ASAP1: variants seen among roughly 807,000 people sequenced by gnomAD.
The protein encoded by ASAP1 is arf-GAP with SH3 domain, ANK repeat and PH domain-containing protein 1.
Under a neutral mutation model 145.2 loss-of-function variants are expected in ASAP1, and 43 were observed. The ratio of observed to expected loss-of-function variants is 0.30; its 90% confidence interval spans 0.23 to 0.38. The LOEUF (loss-of-function observed/expected upper bound fraction) is 0.38. Among genes scored for constraint, ASAP1 ranks in the 10% least tolerant of loss-of-function variants. The pLI is 1.00. For synonymous variants in ASAP1, 546 were observed against 515.5 expected (o/e 1.06, Z -0.80); for missense variants, 1,018 against 1,355.3 (o/e 0.75, Z 3.91).
At chr8:130,141,627 A>C (rs1180869094) in intron 13 of ASAP1, among the ~76,000 whole-genome samples, 1 of 152,166 alleles carries the variant, frequency 6.6e-6, no homozygotes, top group African/African-American at 2.4e-5. Context: ...GGCTCATGGC[A>C]GCCTTGACCT....
intron 3 of ASAP1, among the ~76,000 whole-genome samples, chr8:130,337,770 C>T (rs201166603): frequency 6.6e-6 from 1 of 152,166 alleles, no homozygotes; most frequent in African/African-American, 2.4e-5. Context: ...TGAAATCTCA[C>T]CCATCCACCA....
chr8:130,060,904 G>A lies in ASAP1; in HGVS notation c.2867C>T (p.Pro956Leu), dbSNP rs200764058. Residue 956 changes from proline (P) to leucine (L), a missense_variant, in exon 28 of 30, where the codon CCG (proline) becomes CTG (leucine). Physicochemically the swap from Pro to Leu is moderately conservative, Grantham distance 98 (BLOSUM62 -3). This residue lies in a region of ASAP1 where 139 missense variants were observed against 131.0 expected (regional missense o/e 1.06). Transcript: ENST00000518721. ...LAPKPQIGDL[P>L]PKPGELPPKP... ...GGGGGGCAGTTCTCCTGGCTTAGGC[G>A]GCAAATCTCCAATTTGGGGCTTGGG... is the stretch of plus-strand genomic sequence containing the variant. 144 of 1,612,468 alleles carry A rather than the reference G, an allele frequency of 8.9e-5. No homozygotes were observed. Among genetic ancestry groups the A allele is most frequent in the African/African-American group, 2.4e-4 (18 of 74,872 alleles).
chr8:130,117,549 C>G (rs2097558357), intron 20 of ASAP1, among the ~76,000 whole-genome samples: 1 of 152,304 alleles, frequency 6.6e-6, no homozygotes, highest in Admixed American at 6.5e-5. Context: ...TCTAGTTCCT[C>G]CTCATCATCT....
chr8:130,060,597 C>T lies in ASAP1; in HGVS notation c.3174G>A (p.Leu1058=), dbSNP rs2097417043. 1 of 1,611,512 alleles carries T rather than the reference C, an allele frequency of 6.2e-7. No homozygotes were observed. Among genetic ancestry groups the T allele is most frequent in the Non-Finnish European group, 8.5e-7 (1 of 1,178,676 alleles). Residue 1058 remains leucine (L), a synonymous_variant, in exon 28 of 30, where the codon CTG becomes CTA. Coordinates refer to ENST00000518721, the MANE Select transcript of ASAP1 (RefSeq NM_018482.4). ...TPTLPETPVP[L]PRKINTGKNK... Reference sequence around the variant, plus strand: ...CACCCACCGTATTGATTTTTCTGGGCAGTGGTACGGGCGTCTCTGGCAGAG... The same window carrying T: ...CACCCACCGTATTGATTTTTCTGGGTAGTGGTACGGGCGTCTCTGGCAGAG...
chr8:130,076,459 G>T, intron 26 of ASAP1, 53 bp from the exon 27 acceptor site: 1 of 1,193,662 alleles, frequency 8.4e-7, no homozygotes, highest in Non-Finnish European at 1.2e-6. Flanking sequence ...AATATCAATA[G>T]CAAAATATTA....
intron 1 of ASAP1, among the ~76,000 whole-genome samples, chr8:130,428,660 TC>T (rs1164845428): frequency 1.4e-5 from 2 of 138,296 alleles, no homozygotes; most frequent in African/African-American, 5.5e-5. Context: ...ATCATCACCA[TC>T]CCCCCACCAT....
At chr8:130,092,283 C>T in intron 24 of ASAP1, 140 bp from the exon 25 acceptor site, 1 of 880,096 alleles carries the variant, frequency 1.1e-6, no homozygotes, top group Non-Finnish European at 1.7e-6. Context: ...ATGGCTAACT[C>T]CATCAACCTA....
chr8:130,400,505 C>T (rs1335016297), intron 2 of ASAP1, among the ~76,000 whole-genome samples: 2 of 149,398 alleles, frequency 1.3e-5, no homozygotes, highest in African/African-American at 5.0e-5. Flanking sequence ...AAAAAAAAGG[C>T]CAGGTGGGCA....
At chr8:130,285,406 T>C (rs1821544920) in intron 3 of ASAP1, among the ~76,000 whole-genome samples, 1 of 152,218 alleles carries the variant, frequency 6.6e-6, no homozygotes, top group Non-Finnish European at 1.5e-5. Context: ...AAGAGAATTT[T>C]ATGTATGTCG....
At position 130,097,383 on chromosome 8, in the gene ASAP1, G is replaced by A. The variant is rs538446836; in HGVS notation, c.2402-5240C>T. ...TTCTTCACCGTCCTCCCTTGTTAAC[G>A]GCCCTCCCTGCACAGACAGCATCCC... On this transcript the variant is annotated intron_variant, in intron 24 of 29. Coordinates refer to ENST00000518721, the MANE Select transcript of ASAP1 (RefSeq NM_018482.4). Among the ~76,000 whole-genome samples, 24 of 151,998 alleles carry A rather than the reference G, an allele frequency of 1.6e-4. No individual in the cohort carries two copies. The South Asian group carries it at 2.5e-3, about 16-fold the overall frequency.
intron 3 of ASAP1, among the ~76,000 whole-genome samples, chr8:130,345,202 C>T (rs1825636180): frequency 6.6e-6 from 1 of 152,142 alleles, no homozygotes; most frequent in Non-Finnish European, 1.5e-5. Flanking sequence ...GGAGAGTAAA[C>T]TCAGGGCACC....
In ASAP1 at chr8:130,112,127, C is replaced by G. The variant is rs1276061625; in HGVS notation, c.2368G>C (p.Ala790Pro). The G allele has an allele frequency of 6.2e-7, 1 of 1,614,116 alleles. No homozygotes were observed. Among genetic ancestry groups the G allele is most frequent in the South Asian group, 1.1e-5 (1 of 91,084 alleles). ...TDSPTSPTTE[A>P]PPLPPRNAGK... ...GCGTTCCTAGGAGGCAGAGGGGGAG[C>G]CTCCGTGGTTGGTGATGTGGGCGAG... is the stretch of plus-strand genomic sequence containing the variant. Residue 790 changes from alanine (A) to proline (P), a missense_variant, in exon 24 of 30, where the codon GCT becomes CCT. Around this residue, in one of 9 missense-constraint regions of ASAP1, gnomAD observed 353 missense variants for 375.4 expected, o/e 0.94. Coordinates refer to ENST00000518721, the MANE Select transcript of ASAP1 (RefSeq NM_018482.4).
chr8:130,279,705 T>C (rs1821140251), intron 3 of ASAP1, among the ~76,000 whole-genome samples: 1 of 152,164 alleles, frequency 6.6e-6, no homozygotes, highest in East Asian at 1.9e-4. Context: ...ATAATTTCTA[T>C]ACTACAGATG....
chr8:130,209,034 T>C (rs1816411609), intron 5 of ASAP1, among the ~76,000 whole-genome samples: 1 of 152,192 alleles, frequency 6.6e-6, no homozygotes, highest in Non-Finnish European at 1.5e-5. Flanking sequence ...AATTCCCCTG[T>C]AGGCATGTGT....
intron 1 of ASAP1, among the ~76,000 whole-genome samples, chr8:130,428,615 T>TCACCACCAC (rs908902436): frequency 1.4e-5 from 2 of 139,390 alleles, no homozygotes; most frequent in Admixed American, 7.1e-5. Context: ...ACCATCATCA[T>TCACCACCAC]CACCACCACC....
At chr8:130,380,772 C>T (rs1331015244) in intron 2 of ASAP1, among the ~76,000 whole-genome samples, 2 of 152,132 alleles carry the variant, frequency 1.3e-5, no homozygotes, top group Non-Finnish European at 2.9e-5. Context: ...GTCATGCAGG[C>T]TGACGTGCAG....
chr8:130,154,777 A>T (rs1489778713), intron 12 of ASAP1, among the ~76,000 whole-genome samples: 2 of 152,248 alleles, frequency 1.3e-5, no homozygotes, highest in African/African-American at 4.8e-5. Flanking sequence ...ATCTAACCAA[A>T]TGCAAATTGA....
At chr8:130,373,774 G>T in intron 2 of ASAP1, among the ~76,000 whole-genome samples, 2 of 149,224 alleles carry the variant, frequency 1.3e-5, no homozygotes, top group Non-Finnish European at 1.5e-5. Context: ...TTGAACCCAG[G>T]AGGCAGAGGT....
At position 130,410,007 on chromosome 8, in the gene ASAP1, G is replaced by C. The variant is rs144377089; in HGVS notation, c.-27-8037C>G. Among the ~76,000 whole-genome samples the C allele has an allele frequency of 2.5e-3, 387 of 152,276 alleles. 2 individuals are homozygous for C. The highest frequency in any genetic ancestry group is 7.7e-3 in the African/African-American group (320 of 41,556). On this transcript the variant is annotated intron_variant, in intron 1 of 29. Coordinates refer to ENST00000518721, the MANE Select transcript of ASAP1 (RefSeq NM_018482.4). ...GAATGGTTGTCAGTGATATCATCTG[G>C]GTGTGAACACAATGTCATAGGACCT...
Sources: gnomAD v4.1 joint callset for allele counts (sites outside exome capture counted in the v4.1 genomes callset) on GRCh38, gnomAD v4.1.1 for gene constraint, gnomAD v4.1.1 regional missense constraint, MANE v1.5 for transcripts, NCBI Gene and HGNC (gene_info 2026-07-23, HGNC 2026-07-21) for gene names.